DGCR8: variants seen among roughly 807,000 people sequenced by gnomAD.
The protein encoded by DGCR8 is microprocessor complex subunit DGCR8.
Under a neutral mutation model 78.5 loss-of-function variants are expected in DGCR8, and 14 were observed. The ratio of observed to expected loss-of-function variants is 0.18; its 90% CI spans 0.12 to 0.28. DGCR8 has a LOEUF of 0.28. DGCR8 is among the 10% of genes least tolerant of loss of function. DGCR8 has a pLI of 1.00. For synonymous variants in DGCR8, 399 were observed against 402.4 expected (o/e 0.99, Z 0.10); for missense variants, 702 against 1,022.5 (o/e 0.69, Z 4.28).
At position 20,110,430 on chromosome 22, in the gene DGCR8, T is replaced by G; in HGVS notation, c.*322T>G. The stretch of plus-strand genomic sequence containing the variant: ...TGCTGCAGGCTCTTTTTATGAAGGC[T>G]TTCATGAATTTTAGTATGTAATACG... On this transcript the variant is annotated 3_prime_UTR_variant, in exon 14 of 14. Transcript: ENST00000351989. 1 of 310,018 alleles carries G rather than the reference T, an allele frequency of 3.2e-6. No homozygotes were observed. Among genetic ancestry groups the G allele is most frequent in the South Asian group, 5.9e-5 (1 of 16,838 alleles). The allele number at this position is 310,018 out of a possible 1,614,324, so 19.2% of individuals were successfully genotyped here.
chr22:20,096,383 G>A, intron 9 of DGCR8: 1 of 954,214 alleles, frequency 1.0e-6, no homozygotes, highest in Non-Finnish European at 1.2e-6. Flanking sequence ...GTGGGCCCAT[G>A]GAGTTCAAAT....
rs751104719 is a variant in DGCR8 at position 20,086,714 on chromosome 22, C to G, written c.720+31C>G. On this transcript the variant is annotated intron_variant, in intron 2 of 13. Transcript: ENST00000351989. This position sits in a 1 kb window ranked among gnomAD's most constrained non-coding sequence, Gnocchi z 6.4. ...TTGGCAGCCCCTCCTCTAGAGGGCTCTTAGCAAAACCCAAAGAGAGATTTG... is the reference window on the plus strand; with the variant it reads ...TTGGCAGCCCCTCCTCTAGAGGGCTGTTAGCAAAACCCAAAGAGAGATTTG... The G allele has an allele frequency of 1.3e-6, 2 of 1,544,036 alleles. No homozygotes were observed. The highest frequency in any genetic ancestry group is 4.0e-5 in the Admixed American group (2 of 49,988).
chr22:20,086,488 G>A lies in DGCR8; in HGVS notation c.525G>A (p.Gly175=). Residue 175 remains glycine (G), a synonymous_variant, in exon 2 of 14, where the codon GGG becomes GGA. Coordinates refer to ENST00000351989, the MANE Select transcript of DGCR8 (RefSeq NM_022720.7). This position sits in a 1 kb window ranked among gnomAD's most constrained non-coding sequence, Gnocchi z 6.4. ...GTGTTGGTGACGGGGTAGGCATAGG[G>A]GGTGAGAGTGCTGATAAGAAGGATG... ...GGSVGDGVGI[G]GESADKKDEE... 6.2e-7 allele frequency: 1 copy of A among 1,614,046 alleles called. No individual in the cohort carries two copies. Among genetic ancestry groups the A allele is most frequent in the East Asian group, 2.2e-5 (1 of 44,868 alleles).
In DGCR8 at chr22:20,086,788, A is replaced by G; in HGVS notation, c.720+105A>G. The G allele has an allele frequency of 8.0e-7, 1 of 1,252,408 alleles. No homozygotes were observed. The highest frequency in any genetic ancestry group is 1.5e-5 in the African/African-American group (1 of 66,866). 77.6% of individuals were successfully genotyped at this position (1,252,408 alleles called of 1,614,324 possible). ...CAGGGAAATTAAAAAAAAAAAAAAC[A>G]AAAACCAAAATCCCCTCTGAGGTGG... On this transcript the variant is annotated intron_variant, in intron 2 of 13. Transcript: ENST00000351989. The surrounding 1 kb of genome is among the most constrained non-coding windows in gnomAD (Gnocchi z 6.4).
intron 9 of DGCR8, among the ~76,000 whole-genome samples, chr22:20,098,126 CAAAAAAA>C (rs202130331): frequency 1.0e-5 from 1 of 100,072 alleles, no homozygotes; most frequent in Admixed American, 1.1e-4. Context: ...ACTCCTGTCT[CAAAAAAA>C]AAAAAAGGAA....
At chr22:20,107,104 CTG>C in intron 11 of DGCR8, 165 bp from the exon 12 acceptor site, 1 of 704,244 alleles carries the variant, frequency 1.4e-6, no homozygotes, top group East Asian at 2.6e-5. Context: ...CAGCTGGGTA[CTG>C]TGAGACTCAG....
chr22:20,102,001 G>T (rs73389783), intron 9 of DGCR8: 43,116 of 985,144 alleles, frequency 0.044, 2,167 homozygotes, highest in African/African-American at 0.23. Context: ...AGCTTGTGGT[G>T]ATCTCTTGGT....
intron 10 of DGCR8, 128 bp from the exon 11 acceptor site, chr22:20,106,464 C>T (rs888769995): frequency 2.4e-6 from 2 of 840,018 alleles, no homozygotes; most frequent in African/African-American, 1.7e-5. Flanking sequence ...AGAATTCCCT[C>T]CTCTGGCTGA....
chr22:20,088,958 A>AC (rs528181600), intron 3 of DGCR8, among the ~76,000 whole-genome samples: 14 of 152,302 alleles, frequency 9.2e-5, no homozygotes, highest in Non-Finnish European at 1.8e-4. Context: ...AATTTTAAAA[A>AC]GTTTTTTGTA....
Position 20,087,049 on chromosome 22 carries a change from G to T in DGCR8, c.721-113G>T. The T allele has an allele frequency of 7.3e-7, 1 of 1,378,284 alleles. No homozygotes were observed. The allele number at this position is 1,378,284 out of a possible 1,614,324, so 85.4% of individuals were successfully genotyped here. A position where few individuals can be genotyped will look rare whatever the true frequency, so the allele number is the denominator to read the frequency against. On this transcript the variant is annotated intron_variant, in intron 2 of 13. Transcript: ENST00000351989. This position sits in a 1 kb window ranked among gnomAD's most constrained non-coding sequence, Gnocchi z 4.1. ...ATCATGCACCCTAAGGGCACATCTAGGCCCCCTGAGAGCACCTCCTTTCTG... is the reference window on the plus strand; with the variant it reads ...ATCATGCACCCTAAGGGCACATCTATGCCCCCTGAGAGCACCTCCTTTCTG...
intron 1 of DGCR8, among the ~76,000 whole-genome samples, chr22:20,081,510 C>T (rs529423711): frequency 3.9e-5 from 6 of 152,326 alleles, no homozygotes; most frequent in Non-Finnish European, 7.3e-5. Context: ...TGCGGCCAGG[C>T]GCTGTGTGGA....
chr22:20,086,681 G>A lies in DGCR8; in HGVS notation c.718G>A (p.Glu240Lys), dbSNP rs767432583. 5 of 1,602,480 alleles carry A rather than the reference G, an allele frequency of 3.1e-6. No individual in the cohort carries two copies. The East Asian group carries it at 6.7e-5, about 21-fold the overall frequency. ...VDEEALNFPYEDDFDNDVDAL... is the reference protein window; with the variant it reads ...VDEEALNFPYKDDFDNDVDAL... ...TGAAGAGGCCTTGAATTTCCCCTAC[G>A]AGGTATGTTGGCAGCCCCTCCTCTA... is the stretch of plus-strand genomic sequence containing the variant. The change falls in exon 2 of 14, where the codon GAG becomes AAG. Residue 240 changes from glutamate to lysine, a missense_variant and splice_region_variant. Physicochemically the swap from Glu to Lys is moderately conservative, Grantham distance 56. Transcript: ENST00000351989. The surrounding 1 kb of genome is among the most constrained non-coding windows in gnomAD (Gnocchi z 6.4).
At position 20,106,986 on chromosome 22, in the gene DGCR8, CCT is replaced by C. The variant is rs977875309; in HGVS notation, c.1997-284_1997-283del. 1.8e-4 allele frequency: 103 copies of C among 575,536 alleles called. 1 individual carries two copies. In the Admixed American group the frequency reaches 2.9e-3, roughly 16 times the overall value. 35.7% of individuals were successfully genotyped at this position (575,536 alleles called of 1,614,324 possible). A position where few individuals can be genotyped will look rare whatever the true frequency, so the allele number is the denominator to read the frequency against. ...AACAGCCAGCAGAATCCTGCTGCTC[CCT>C]GTTTCTGGAGGTGTGCGTCTTGGCG... On this transcript the variant is annotated intron_variant, in intron 11 of 13. Coordinates refer to ENST00000351989, the MANE Select transcript of DGCR8 (RefSeq NM_022720.7).
At chr22:20,109,251 G>A in intron 13 of DGCR8, 1 of 399,654 alleles carries the variant, frequency 2.5e-6, no homozygotes, top group South Asian at 2.2e-5. Flanking sequence ...GAAGGTCACA[G>A]TCTTGGTGGG....
rs771838348 is a variant in DGCR8, at chr22:20,087,311, A to G, written c.870A>G (p.Thr290=). 3.7e-6 allele frequency: 6 copies of G among 1,604,998 alleles called. No homozygotes were observed. In the Admixed American group the frequency reaches 5.0e-5, roughly 13 times the overall value. ...SVQPMMTKIK[T]VLKSRGRPPT... ...AGCCGATGATGACCAAGATTAAAAC[A>G]GTGCTCAAAAGTACGTGTGTGGGTC... Residue 290 remains threonine, a synonymous_variant, in exon 3 of 14, where the codon ACA becomes ACG. Transcript: ENST00000351989. This position sits in a 1 kb window ranked among gnomAD's most constrained non-coding sequence, Gnocchi z 4.1.
chr22:20,109,835 C>T (rs2049813829), intron 13 of DGCR8, among the ~76,000 whole-genome samples, 190 bp from the exon 14 acceptor site: 3 of 152,228 alleles, frequency 2.0e-5, no homozygotes, highest in Admixed American at 6.5e-5. Flanking sequence ...ATGCAGGGGG[C>T]CTCTGCAATC....
chr22:20,091,083 C>T (rs1372742303), intron 5 of DGCR8, among the ~76,000 whole-genome samples: 3 of 152,200 alleles, frequency 2.0e-5, no homozygotes, highest in South Asian at 2.1e-4. Context: ...AGAGAGGTGG[C>T]GGGCGCATGG....
chr22:20,080,292 AG>A lies in DGCR8; in HGVS notation c.-367del. On this transcript the variant is annotated 5_prime_UTR_variant, in exon 1 of 14. Coordinates refer to ENST00000351989, the MANE Select transcript of DGCR8 (RefSeq NM_022720.7). ...GTGCCGGCGACCGGAGAGCCTGGAC[AG>A]GCTTTCCAGATGGCTGCGGCGGTCG... 2 of 980,858 alleles carry A rather than the reference AG, an allele frequency of 2.0e-6. No individual in the cohort carries two copies. Among genetic ancestry groups the A allele is most frequent in the South Asian group, 9.4e-5 (2 of 21,280 alleles). The allele number at this position is 980,858 out of a possible 1,614,324, so 60.8% of individuals were successfully genotyped here. A position where few individuals can be genotyped will look rare whatever the true frequency, so the allele number is the denominator to read the frequency against.
At position 20,102,862 on chromosome 22, in the gene DGCR8, G is replaced by A. The variant is rs527555111; in HGVS notation, c.1789-3315G>A. On this transcript the variant is annotated intron_variant, in intron 9 of 13. Coordinates refer to ENST00000351989, the MANE Select transcript of DGCR8 (RefSeq NM_022720.7). Reference sequence around the variant, plus strand: ...TATAAAAAATTCTGGGCTGGGTGCAGTGGCTCACGCCTGTAATCCCAGCAC... The same window carrying A: ...TATAAAAAATTCTGGGCTGGGTGCAATGGCTCACGCCTGTAATCCCAGCAC... Among the ~76,000 whole-genome samples the A allele has an allele frequency of 1.2e-4, 18 of 152,350 alleles. No individual in the cohort carries two copies. In the South Asian group the frequency reaches 3.7e-3, roughly 32 times the overall value.
Sources: gnomAD v4.1 joint callset for allele counts (sites outside exome capture counted in the v4.1 genomes callset) on GRCh38, gnomAD v4.1.1 for gene constraint, Gnocchi (gnomAD v3.1) non-coding constraint, MANE v1.5 for transcripts, NCBI Gene and HGNC (gene_info 2026-07-23, HGNC 2026-07-21) for gene names.